Variants in RARS2 observed in about 807,000 individuals in gnomAD.
The protein encoded by RARS2 is probable arginine--tRNA ligase, mitochondrial.
In RARS2, 67 loss-of-function variants were observed where a neutral mutation model predicts 88.5. That is an observed-to-expected ratio of 0.76 (90% CI 0.62 to 0.93). The LOEUF (loss-of-function observed/expected upper bound fraction) is 0.93, where lower values mean the gene tolerates loss of function less well. RARS2 is among the 40% of genes least tolerant of loss of function. The probability of loss-of-function intolerance (pLI) is 0.00; values close to 1 mark genes in which losing one functional copy is unlikely to be tolerated. For synonymous variants in RARS2, 239 were observed against 230.3 expected, an observed-to-expected ratio of 1.04 and a Z score of -0.34; for missense variants, 664 against 684.2, an observed-to-expected ratio of 0.97 and a Z score of 0.33.
At chr6:87,558,686 T>G (rs965555310) in intron 4 of RARS2, among the ~76,000 whole-genome samples, 1 of 152,208 alleles carries the variant, frequency 6.6e-6, no homozygotes, top group Non-Finnish European at 1.5e-5. Flanking sequence ...GTGGTAACAC[T>G]GATGTAAACA....
At chr6:87,589,725 G>C in intron 1 of RARS2, 197 bp downstream of exon 1, 1 of 985,330 alleles carries the variant, frequency 1.0e-6, no homozygotes, top group Non-Finnish European at 1.2e-6. Flanking sequence ...TTTTCACCGA[G>C]ACAAACTGAT....
intron 2 of RARS2, among the ~76,000 whole-genome samples, chr6:87,565,217 C>A (rs932649692): frequency 6.6e-6 from 1 of 152,140 alleles, no homozygotes; most frequent in Non-Finnish European, 1.5e-5. Context: ...CTCTACTACT[C>A]CAAATACATG....
At chr6:87,536,046 T>C (rs185334830) in intron 8 of RARS2, among the ~76,000 whole-genome samples, 1 of 152,222 alleles carries the variant, frequency 6.6e-6, no homozygotes, top group East Asian at 1.9e-4. Flanking sequence ...ATTGGCATGA[T>C]ATTTATCTCT....
chr6:87,532,016 G>C (rs1329949795), intron 8 of RARS2, among the ~76,000 whole-genome samples: 2 of 152,058 alleles, frequency 1.3e-5, no homozygotes, highest in Non-Finnish European at 2.9e-5. Context: ...CATCCGGACA[G>C]CAGTATTTGG....
intron 4 of RARS2, among the ~76,000 whole-genome samples, chr6:87,556,627 A>G (rs1265823516): frequency 6.6e-6 from 1 of 151,652 alleles, no homozygotes; most frequent in Non-Finnish European, 1.5e-5. Context: ...TCTACTAAAA[A>G]AATTTTAAAA....
chr6:87,524,833 A>C (rs1461748916), intron 10 of RARS2, among the ~76,000 whole-genome samples, 181 bp from the exon 11 acceptor site: 1 of 152,238 alleles, frequency 6.6e-6, no homozygotes, highest in African/African-American at 2.4e-5. Context: ...ATCTCTTATG[A>C]ATGGGTATGA....
chr6:87,587,133 T>C (rs1039644512), intron 1 of RARS2, among the ~76,000 whole-genome samples: 2 of 152,052 alleles, frequency 1.3e-5, no homozygotes, highest in Non-Finnish European at 2.9e-5. Context: ...GATCTGCCTG[T>C]CTCAGTCTCT....
intron 14 of RARS2, 179 bp from the exon 15 acceptor site, chr6:87,519,070 T>C: frequency 1.6e-6 from 1 of 643,676 alleles, no homozygotes; most frequent in Non-Finnish European, 2.7e-6. Flanking sequence ...CCTGCCTACA[T>C]TAAAGGGAAA....
At chr6:87,530,308 C>T (rs1417144150) in intron 9 of RARS2, among the ~76,000 whole-genome samples, 1 of 152,192 alleles carries the variant, frequency 6.6e-6, no homozygotes, top group African/African-American at 2.4e-5. Flanking sequence ...CCTGATCTCC[C>T]CAGCTAGCAT....
At chr6:87,520,063 TC>T in intron 13 of RARS2, 116 bp downstream of exon 13, 1 of 896,762 alleles carries the variant, frequency 1.1e-6, no homozygotes, top group South Asian at 1.4e-5. Flanking sequence ...AATCTACCTT[TC>T]CACACCAGTA....
intron 5 of RARS2, among the ~76,000 whole-genome samples, chr6:87,550,912 A>T (rs181168432): frequency 6.6e-6 from 1 of 152,122 alleles, no homozygotes; most frequent in Non-Finnish European, 1.5e-5. Context: ...TGATATTCGG[A>T]TTAATAGATA....
chr6:87,543,671 A>G (rs896798287), intron 7 of RARS2, among the ~76,000 whole-genome samples: 8 of 152,116 alleles, frequency 5.3e-5, no homozygotes, highest in Admixed American at 1.3e-4. Context: ...ATTTATTTCT[A>G]TATCAATTAC....
Position 87,564,235 on chromosome 6 carries a change from A to G in RARS2, c.111-3T>C. On this transcript the variant is annotated splice_region_variant and splice_polypyrimidine_tract_variant and intron_variant, in intron 2 of 19. Coordinates refer to ENST00000369536, the MANE Select transcript of RARS2 (RefSeq NM_020320.5). ...AAAGCTGAAAATCAGCTACTTCTCT[A>G]AAGACAGACATCGAAACGAGATAGA... The G allele has an allele frequency of 6.3e-7, 1 of 1,594,962 alleles. No homozygotes were observed. The highest frequency in any genetic ancestry group is 1.1e-5 in the South Asian group (1 of 90,634).
intron 1 of RARS2, among the ~76,000 whole-genome samples, chr6:87,586,376 A>G (rs561927062): frequency 6.6e-6 from 1 of 152,132 alleles, no homozygotes; most frequent in Admixed American, 6.6e-5. Flanking sequence ...GCAATACCTG[A>G]CCTCTCCCCA....
At chr6:87,535,506 T>C (rs183291092) in intron 8 of RARS2, among the ~76,000 whole-genome samples, 1 of 152,260 alleles carries the variant, frequency 6.6e-6, no homozygotes, top group Admixed American at 6.5e-5. Context: ...GTAAATTATC[T>C]AGTGATACAC....
chr6:87,581,207 C>T (rs1773381433), intron 1 of RARS2, among the ~76,000 whole-genome samples: 1 of 152,126 alleles, frequency 6.6e-6, no homozygotes, highest in Non-Finnish European at 1.5e-5. Context: ...GTGAAAATTG[C>T]ATAAAAACCT....
intron 2 of RARS2, among the ~76,000 whole-genome samples, chr6:87,568,058 A>G (rs929091575): frequency 6.6e-6 from 1 of 152,174 alleles, no homozygotes; most frequent in Non-Finnish European, 1.5e-5. Flanking sequence ...GGCGTGAGCC[A>G]CCGTGCCCGG....
At chr6:87,519,166 A>G (rs986014741) in intron 14 of RARS2, 10 of 287,502 alleles carry the variant, frequency 3.5e-5, no homozygotes, top group Admixed American at 1.0e-4. Flanking sequence ...GTATGTGTGT[A>G]TATATATATA....
chr6:87,519,729 T>C, intron 13 of RARS2, 22 bp from the exon 14 acceptor site: 1 of 1,613,840 alleles, frequency 6.2e-7, no homozygotes, highest in Non-Finnish European at 8.5e-7. Flanking sequence ...GGCATCTAGT[T>C]AACTGAAAGC....
Sources: allele counts gnomAD v4.1 joint callset (sites outside exome capture counted in the v4.1 genomes callset), GRCh38; gene constraint gnomAD v4.1.1; transcripts MANE v1.5; gene names NCBI Gene and HGNC (gene_info 2026-07-23, HGNC 2026-07-21).